The following TPH2 variants were observed in gnomAD, a reference collection of about 807,000 sequenced individuals.
TPH2 encodes the protein tryptophan hydroxylase 2.
In TPH2, 27 loss-of-function variants were observed where a neutral mutation model predicts 59.1. That is an observed-to-expected ratio of 0.46 (90% confidence interval 0.34 to 0.63). The LOEUF (loss-of-function observed/expected upper bound fraction) is 0.63, where lower values mean the gene tolerates loss of function less well. Among genes scored for constraint, TPH2 ranks in the 30% least tolerant of loss-of-function variants. The pLI is 0.01. For missense variants in TPH2, 523 were observed against 588.3 expected (o/e 0.89, Z 1.15); for synonymous variants, 220 against 210.5 (o/e 1.05, Z -0.39).
intron 7 of TPH2, among the ~76,000 whole-genome samples, chr12:71,990,052 G>A (rs750390294): frequency 5.3e-5 from 8 of 151,894 alleles, no homozygotes; most frequent in Non-Finnish European, 1.0e-4. Flanking sequence ...TTGTGAAAAG[G>A]ACTCTAAAAA....
intron 5 of TPH2, among the ~76,000 whole-genome samples, chr12:71,971,682 A>G: frequency 6.6e-6 from 1 of 152,186 alleles, no homozygotes; most frequent in South Asian, 2.1e-4. Context: ...GCTCTCTCTG[A>G]CTACTTCAGT....
chr12:72,015,419 A>C (rs1873216819), intron 8 of TPH2, among the ~76,000 whole-genome samples: 1 of 143,978 alleles, frequency 6.9e-6, no homozygotes, highest in South Asian at 2.1e-4. Flanking sequence ...TTCCGGGTTC[A>C]CGCCATTCTC....
At chr12:71,967,239 C>T (rs1871842346) in intron 5 of TPH2, among the ~76,000 whole-genome samples, 3 of 152,204 alleles carry the variant, frequency 2.0e-5, no homozygotes, top group Admixed American at 2.0e-4. Context: ...TTCTTCTCTG[C>T]AGGCACAAGG....
At chr12:71,975,338 C>G (rs983937833) in intron 6 of TPH2, among the ~76,000 whole-genome samples, 1 of 152,160 alleles carries the variant, frequency 6.6e-6, no homozygotes, top group Non-Finnish European at 1.5e-5. Flanking sequence ...GAGTGGGACT[C>G]TGTCTCAAAA....
At chr12:71,994,327 G>T in intron 7 of TPH2, 112 bp from the exon 8 acceptor site, 2 of 1,164,336 alleles carry the variant, frequency 1.7e-6, no homozygotes, top group Non-Finnish European at 2.6e-6. Context: ...ATGAACTGTA[G>T]TAACTAATTA....
chr12:71,944,959 T>C lies in TPH2; in HGVS notation c.540+273T>C, dbSNP rs141752049. On this transcript the variant is annotated intron_variant, in intron 4 of 10. Transcript: ENST00000333850. ...ACCTTGGAGAATATTTCTGTGGAAT[T>C]AGACAGCCTGAAATATACCTGCAGA... is the stretch of plus-strand genomic sequence containing the variant. Among the ~76,000 whole-genome samples, 506 of 152,256 alleles carry C rather than the reference T, an allele frequency of 3.3e-3. 1 individual carries two copies. Among genetic ancestry groups the C allele is most frequent in the Non-Finnish European group, 5.7e-3 (386 of 68,008 alleles).
Position 71,963,264 on chromosome 12 carries a change from C to T in TPH2, c.609-9255C>T, listed in dbSNP as rs1484870659. ...GTCTAATTTTATCAAACGCAGGACTCCCAGACTTTTCTTATGAATTCTTGG... is the reference window on the plus strand; with the variant it reads ...GTCTAATTTTATCAAACGCAGGACTTCCAGACTTTTCTTATGAATTCTTGG... On this transcript the variant is annotated intron_variant, in intron 5 of 10. Coordinates refer to ENST00000333850, the MANE Select transcript of TPH2 (RefSeq NM_173353.4). 4.3e-5 allele frequency among the ~76,000 whole-genome samples: 2 copies of T among 46,340 alleles called. 1 individual carries two copies. The highest frequency in any genetic ancestry group is 1.2e-4 in the African/African-American group (2 of 16,880). The allele number at this position is 46,340 out of a possible 152,430, so 30.4% of individuals were successfully genotyped here. A position where few individuals can be genotyped will look rare whatever the true frequency, so the allele number is the denominator to read the frequency against.
chr12:72,000,177 A>G (rs1872786753), intron 8 of TPH2, among the ~76,000 whole-genome samples: 1 of 152,244 alleles, frequency 6.6e-6, no homozygotes, highest in African/African-American at 2.4e-5. Context: ...TAGTCACTGA[A>G]GGAAAGAATC....
intron 8 of TPH2, among the ~76,000 whole-genome samples, chr12:72,009,317 C>A (rs565695318): frequency 1.4e-4 from 21 of 152,238 alleles, no homozygotes; most frequent in African/African-American, 5.1e-4. Context: ...TAGCCAAAGC[C>A]AGAGAGTAAG....
At chr12:71,982,113 C>A (rs1872301081) in intron 7 of TPH2, among the ~76,000 whole-genome samples, 1 of 148,378 alleles carries the variant, frequency 6.7e-6, no homozygotes, top group African/African-American at 2.5e-5. Context: ...AAGCAATTCT[C>A]CTGCCTCAGC....
At chr12:71,982,965 G>T (rs1204332682) in intron 7 of TPH2, among the ~76,000 whole-genome samples, 1 of 152,106 alleles carries the variant, frequency 6.6e-6, no homozygotes, top group African/African-American at 2.4e-5. Context: ...CAGTTTTAAA[G>T]ACTCTGGCTT....
chr12:71,989,708 C>T (rs1222427665), intron 7 of TPH2, among the ~76,000 whole-genome samples: 2 of 152,166 alleles, frequency 1.3e-5, no homozygotes, highest in Non-Finnish European at 2.9e-5. Context: ...GCTTTGAAAA[C>T]TGATAAGAGG....
At chr12:71,965,903 G>A (rs1259731160) in intron 5 of TPH2, among the ~76,000 whole-genome samples, 1 of 152,124 alleles carries the variant, frequency 6.6e-6, no homozygotes, top group Non-Finnish European at 1.5e-5. Context: ...ATATCCAAGA[G>A]GGTACTGCCT....
At chr12:71,946,500 CCTTCT>C (rs1423289324) in intron 4 of TPH2, among the ~76,000 whole-genome samples, 4 of 152,160 alleles carry the variant, frequency 2.6e-5, no homozygotes, top group Non-Finnish European at 5.9e-5. Flanking sequence ...CCTTATGATA[CCTTCT>C]CTTATTTTCT....
chr12:72,004,649 A>T (rs1872905889), intron 8 of TPH2, among the ~76,000 whole-genome samples: 1 of 152,204 alleles, frequency 6.6e-6, no homozygotes, highest in Non-Finnish European at 1.5e-5. Context: ...TTTAACTACA[A>T]TGGAGTAGGC....
intron 5 of TPH2, among the ~76,000 whole-genome samples, chr12:71,968,581 C>T (rs1299882380): frequency 6.6e-6 from 1 of 152,234 alleles, no homozygotes; most frequent in African/African-American, 2.4e-5. Context: ...CTGGATCCTG[C>T]TGCCCAGTAA....
intron 6 of TPH2, among the ~76,000 whole-genome samples, chr12:71,976,708 C>T (rs1000658609): frequency 6.6e-6 from 1 of 152,086 alleles, no homozygotes; most frequent in Non-Finnish European, 1.5e-5. Context: ...TCTGAGGAGG[C>T]CTGAGAACAG....
intron 7 of TPH2, among the ~76,000 whole-genome samples, chr12:71,993,574 T>C (rs1872628011): frequency 6.6e-6 from 1 of 152,192 alleles, no homozygotes; most frequent in African/African-American, 2.4e-5. Flanking sequence ...TGGCTCCAAA[T>C]GAAAGCTCAG....
intron 9 of TPH2, among the ~76,000 whole-genome samples, chr12:72,025,400 G>T (rs1456708639): frequency 6.6e-6 from 1 of 152,036 alleles, no homozygotes; most frequent in Non-Finnish European, 1.5e-5. Flanking sequence ...TCTATACTTT[G>T]TGCTATAAGG....
Sources: allele counts gnomAD v4.1 joint callset (sites outside exome capture counted in the v4.1 genomes callset), GRCh38; gene constraint gnomAD v4.1.1; transcripts MANE v1.5; gene names NCBI Gene and HGNC (gene_info 2026-07-23, HGNC 2026-07-21).